Variants in TTC34 observed in about 807,000 individuals in gnomAD.
TTC34 encodes tetratricopeptide repeat protein 34.
A neutral mutation model predicts 40.7 loss-of-function variants in TTC34; 44 were observed. The ratio of observed to expected loss-of-function variants is 1.08; its 90% CI spans 0.85 to 1.39. The LOEUF is 1.39. Among genes scored for constraint, TTC34 ranks in the 40% most tolerant of loss-of-function variants. The probability of loss-of-function intolerance (pLI) is 0.00; values close to 1 mark genes in which losing one functional copy is unlikely to be tolerated. For missense variants in TTC34, 884 were observed against 838.0 expected (o/e 1.05, Z -0.68); for synonymous variants, 422 against 398.6 (o/e 1.06, Z -0.70).
At chr1:2,639,243 C>G (rs1310392787) in exon 9 of TTC34, 1 of 152,356 alleles carries the variant, frequency 6.6e-6, no homozygotes, top group Non-Finnish European at 1.5e-5. Flanking sequence ...GCTGGGTGAG[C>G]TGGTGGTAGA....
chr1:2,698,922 T>TCTGACAGTGTGGAACAGCAC (rs1640995542), intron 6 of TTC34, among the ~76,000 whole-genome samples: 15 of 56,878 alleles, frequency 2.6e-4, no homozygotes, highest in Non-Finnish European at 4.6e-4. Flanking sequence ...TGGAGTAGTA[T>TCTGACAGTGTGGAACAGCAC]CCTGCACCCT....
exon 3 of TTC34, chr1:2,789,648 C>A: frequency 7.5e-7 from 1 of 1,341,970 alleles, no homozygotes; most frequent in Non-Finnish European, 9.5e-7. Context: ...TTCCAGGGCA[C>A]GTAGGCCTTG....
At chr1:2,799,519 G>T (rs1557695350) in intron 2 of TTC34, among the ~76,000 whole-genome samples, 1 of 151,978 alleles carries the variant, frequency 6.6e-6, no homozygotes, top group Non-Finnish European at 1.5e-5. Context: ...CTCCAGCCTG[G>T]GCAACAAGAA....
Position 2,795,550 on chromosome 1 carries a change from C to G in TTC34, c.784+4494G>C, listed in dbSNP as rs139019000. On this transcript the variant is annotated intron_variant, in intron 2 of 8. Transcript: ENST00000401095. The stretch of plus-strand genomic sequence containing the variant: ...AGCCGTGGGGCCTCTGAGGCTTGGG[C>G]TCCTGAAGCACAAGCCATCACTTCT... Among the ~76,000 whole-genome samples the G allele has an allele frequency of 6.3e-3, 954 of 152,290 alleles. 10 individuals are homozygous for G. The highest frequency in any genetic ancestry group is 0.021 in the African/African-American group (886 of 41,570).
chr1:2,768,491 C>T lies in TTC34; in HGVS notation c.2226+15118G>A, dbSNP rs1320536369. Among the ~76,000 whole-genome samples the T allele has an allele frequency of 3.3e-5, 5 of 150,572 alleles. No individual in the cohort carries two copies. The East Asian group carries it at 9.8e-4, about 29-fold the overall frequency. ...TAAGAATTTGATAAGTGGGGAAAAG[C>T]TCCCCGCCCTCAGGTGAGTGTCTGA... On this transcript the variant is annotated intron_variant, in intron 6 of 8. Coordinates refer to ENST00000401095, the Ensembl canonical transcript of TTC34.
chr1:2,749,935 G>C (rs1285186228), intron 6 of TTC34, among the ~76,000 whole-genome samples: 1 of 85,210 alleles, frequency 1.2e-5, no homozygotes, highest in Admixed American at 1.4e-4. Context: ...CCCCAGGCGA[G>C]CATCTGACGG....
chr1:2,645,532 T>C lies in TTC34; in HGVS notation c.2258A>G (p.Lys753Arg). 7.4e-7 allele frequency: 1 copy of C among 1,350,708 alleles called. No homozygotes were observed. The highest frequency in any genetic ancestry group is 9.6e-7 in the Non-Finnish European group (1 of 1,041,228). 83.7% of individuals were successfully genotyped at this position (1,350,708 alleles called of 1,614,324 possible). The change falls in exon 7 of 9, where the codon AAG (lysine) becomes AGG (arginine). Residue 753 changes from lysine to arginine, a missense_variant. By Grantham distance (26) the Lys-to-Arg change is conservative. Coordinates refer to ENST00000401095, the Ensembl canonical transcript of TTC34. The surrounding 1 kb of genome is among the most constrained non-coding windows in gnomAD (Gnocchi z 4.7). ...AGGGACCACAGTCCCGGGGCCGAGC[T>C]TCAGAGCAGAGACGATGTCGTCCAC...
At chr1:2,794,621 T>C (rs889684725) in intron 2 of TTC34, among the ~76,000 whole-genome samples, 2 of 152,210 alleles carry the variant, frequency 1.3e-5, no homozygotes, top group African/African-American at 4.8e-5. Flanking sequence ...TTGCATTGGC[T>C]AGGATCTCTA....
intron 2 of TTC34, among the ~76,000 whole-genome samples, chr1:2,791,055 AG>A (rs781363695): frequency 6.6e-6 from 1 of 152,196 alleles, no homozygotes; most frequent in Non-Finnish European, 1.5e-5. Flanking sequence ...AGTGCCTGGA[AG>A]GGGCCTGGTG....
At chr1:2,675,505 T>C (rs1329025846) in intron 6 of TTC34, among the ~76,000 whole-genome samples, 5 of 106,646 alleles carry the variant, frequency 4.7e-5, no homozygotes, top group African/African-American at 9.8e-5. Context: ...TCTGACAGCC[T>C]GCAACAGCAC....
intron 6 of TTC34, among the ~76,000 whole-genome samples, chr1:2,681,379 A>C (rs1370399057): frequency 0.023 from 694 of 29,778 alleles, no homozygotes; most frequent in Non-Finnish European, 0.026. Context: ...GGAACAGCAC[A>C]CACACCCCCA....
intron 6 of TTC34, among the ~76,000 whole-genome samples, chr1:2,753,403 A>G (rs1641392929): frequency 8.7e-5 from 10 of 115,400 alleles, no homozygotes; most frequent in East Asian, 3.0e-4. Flanking sequence ...ACAGCATGTA[A>G]CAGCACCCAC....
Position 2,779,176 on chromosome 1 carries a change from A to G in TTC34, c.2226+4433T>C, listed in dbSNP as rs371631712. Reference sequence around the variant, plus strand: ...GGCTTATCCACCCATCCATCGGTGGACACCTGGGTGCCTTCCACCTCCAAG... The same window carrying G: ...GGCTTATCCACCCATCCATCGGTGGGCACCTGGGTGCCTTCCACCTCCAAG... On this transcript the variant is annotated intron_variant, in intron 6 of 8. Coordinates refer to ENST00000401095, the Ensembl canonical transcript of TTC34. Among the ~76,000 whole-genome samples, 19 of 152,240 alleles carry G rather than the reference A, an allele frequency of 1.2e-4. No individual in the cohort carries two copies. In the South Asian group the frequency reaches 3.9e-3, roughly 32 times the overall value.
At chr1:2,688,027 G>A (rs1640445304) in intron 6 of TTC34, among the ~76,000 whole-genome samples, 1 of 136,880 alleles carries the variant, frequency 7.3e-6, no homozygotes, top group Non-Finnish European at 1.5e-5. Flanking sequence ...GCATCTGACT[G>A]CATGTAACAG....
intron 4 of TTC34, among the ~76,000 whole-genome samples, chr1:2,786,607 C>A (rs1643592981): frequency 6.6e-6 from 1 of 152,208 alleles, no homozygotes; most frequent in Non-Finnish European, 1.5e-5. Context: ...AGTGGGCCCA[C>A]TGGAGCAAGG....
At chr1:2,767,985 T>A (rs1233409354) in intron 6 of TTC34, among the ~76,000 whole-genome samples, 1 of 150,404 alleles carries the variant, frequency 6.6e-6, no homozygotes, top group South Asian at 2.2e-4. Flanking sequence ...GTGATGTGAC[T>A]GCGTGGAACA....
intron 2 of TTC34, among the ~76,000 whole-genome samples, chr1:2,791,341 A>C (rs1171151789): frequency 6.6e-6 from 1 of 152,158 alleles, no homozygotes; most frequent in Non-Finnish European, 1.5e-5. Context: ...GGACGTTCTG[A>C]GGGTCCATCC....
rs868025550 is a variant in TTC34, at chr1:2,683,819, G to A, written c.2227-38256C>T. On this transcript the variant is annotated intron_variant, in intron 6 of 8. Coordinates refer to ENST00000401095, the Ensembl canonical transcript of TTC34. ...CCCCAGTTGAGCATCTGACAGCCGG[G>A]AACAGCACCCACACCCCCAGGTGAA... Among the ~76,000 whole-genome samples the A allele has an allele frequency of 9.8e-5, 14 of 143,466 alleles. No individual in the cohort carries two copies. In the South Asian group the frequency reaches 1.4e-3, roughly 14 times the overall value. 94.1% of individuals were successfully genotyped at this position (143,466 alleles called of 152,430 possible).
intron 6 of TTC34, among the ~76,000 whole-genome samples, chr1:2,762,171 C>G (rs1641699563): frequency 3.2e-5 from 2 of 61,644 alleles, no homozygotes; most frequent in Non-Finnish European, 2.9e-5. Context: ...GCGCCCACAC[C>G]CCCAGGTGAG....
Sources: gnomAD v4.1 joint callset for allele counts (sites outside exome capture counted in the v4.1 genomes callset) on GRCh38, gnomAD v4.1.1 for gene constraint, Gnocchi (gnomAD v3.1) non-coding constraint, MANE v1.5 for transcripts, NCBI Gene and HGNC (gene_info 2026-07-23, HGNC 2026-07-21) for gene names.